Variants in HECW1 observed in about 807,000 individuals in gnomAD.
HECW1 encodes E3 ubiquitin-protein ligase HECW1.
Under a neutral mutation model 182.3 loss-of-function variants are expected in HECW1, and 61 were observed. The observed-to-expected ratio is 0.33, with a 90% CI of 0.27 to 0.41. HECW1 has a LOEUF of 0.41. Among genes scored for constraint, HECW1 ranks in the 10% least tolerant of loss-of-function variants. The pLI, the probability that HECW1 is intolerant of heterozygous loss-of-function variation, is 1.00. For missense variants in HECW1, 1,739 were observed against 2,108.9 expected (o/e 0.82, Z 3.44); for synonymous variants, 859 against 832.6 (o/e 1.03, Z -0.55).
In HECW1 at chr7:43,565,781, T is replaced by C. The variant is rs2082315083; in HGVS notation, c.*3855T>C. The C allele has an allele frequency of 5.4e-6, 1 of 185,112 alleles. No homozygotes were observed. Among genetic ancestry groups the C allele is most frequent in the Non-Finnish European group, 1.1e-5 (1 of 87,476 alleles). 11.5% of individuals were successfully genotyped at this position (185,112 alleles called of 1,614,324 possible). ...CTAGAGGTAGTATATAGAGTAAATA[T>C]TGTTCCTTTAGCCTACTTCCTGCAG... On this transcript the variant is annotated 3_prime_UTR_variant, in exon 30 of 30. Transcript: ENST00000395891.
chr7:43,285,007 T>TTC (rs1317871814), intron 3 of HECW1, among the ~76,000 whole-genome samples: 1 of 151,948 alleles, frequency 6.6e-6, no homozygotes, highest in African/African-American at 2.4e-5. Flanking sequence ...GATTTTTTTT[T>TTC]TTTTGCTTTA....
intron 13 of HECW1, among the ~76,000 whole-genome samples, chr7:43,461,532 G>A (rs954280989): frequency 2.6e-5 from 4 of 152,288 alleles, no homozygotes; most frequent in South Asian, 2.1e-4. Flanking sequence ...GGCAGGCCCC[G>A]TTCCCTGCCT....
chr7:43,453,973 T>C (rs2077318433), intron 12 of HECW1, among the ~76,000 whole-genome samples: 3 of 152,264 alleles, frequency 2.0e-5, no homozygotes, highest in Admixed American at 2.0e-4. Flanking sequence ...TATTATTTTC[T>C]GAATACATAT....
chr7:43,472,338 T>C (rs1421201970), intron 16 of HECW1, among the ~76,000 whole-genome samples: 3 of 152,242 alleles, frequency 2.0e-5, no homozygotes, highest in East Asian at 3.8e-4. Flanking sequence ...CCCTAGGCCA[T>C]GTGCTCCCCC....
intron 6 of HECW1, among the ~76,000 whole-genome samples, chr7:43,376,046 A>G: frequency 6.8e-6 from 1 of 147,942 alleles, no homozygotes; most frequent in South Asian, 2.1e-4. Context: ...ATACACACAT[A>G]TATATACACA....
intron 6 of HECW1, among the ~76,000 whole-genome samples, chr7:43,394,320 A>G (rs1342558586): frequency 6.6e-6 from 1 of 152,230 alleles, no homozygotes; most frequent in Non-Finnish European, 1.5e-5. Flanking sequence ...GATGGGAATA[A>G]CAGACATAAA....
intron 5 of HECW1, among the ~76,000 whole-genome samples, chr7:43,346,451 A>C (rs1237340058): frequency 6.6e-6 from 1 of 152,104 alleles, no homozygotes; most frequent in Admixed American, 6.5e-5. Flanking sequence ...TTGTATGTTT[A>C]TTCTCCTGAC....
At chr7:43,481,595 T>C (rs1002824852) in intron 17 of HECW1, among the ~76,000 whole-genome samples, 2 of 152,240 alleles carry the variant, frequency 1.3e-5, no homozygotes, top group Non-Finnish European at 2.9e-5. Context: ...GTGTTTCATG[T>C]GATTGAATAG....
intron 2 of HECW1, among the ~76,000 whole-genome samples, chr7:43,141,996 C>T (rs912414831): frequency 6.6e-6 from 1 of 152,172 alleles, no homozygotes; most frequent in African/African-American, 2.4e-5. Context: ...TTCTATTCCT[C>T]CCGAAAACCT....
At chr7:43,430,434 A>G (rs541804290) in intron 8 of HECW1, among the ~76,000 whole-genome samples, 2 of 152,362 alleles carry the variant, frequency 1.3e-5, no homozygotes, top group South Asian at 4.1e-4. Flanking sequence ...AAAAGTATAG[A>G]TTACAATCTG....
chr7:43,407,821 C>A, intron 8 of HECW1, 90 bp downstream of exon 8: 2 of 1,148,912 alleles, frequency 1.7e-6, no homozygotes, highest in Non-Finnish European at 1.2e-6. Context: ...ATTCATGGAG[C>A]CCTGGACTCT....
intron 19 of HECW1, among the ~76,000 whole-genome samples, chr7:43,497,468 A>G (rs2079162891): frequency 6.6e-6 from 1 of 152,106 alleles, no homozygotes; most frequent in Non-Finnish European, 1.5e-5. Flanking sequence ...TAGTGACCAC[A>G]GATGCAATCA....
Position 43,454,438 on chromosome 7 carries a change from A to C in HECW1, c.2501-1859A>C, listed in dbSNP as rs574874565. The stretch of plus-strand genomic sequence containing the variant: ...GTTTCTAGATCAAGATTAATTACCT[A>C]GTAATCATATGTATATACAATTTCA... On this transcript the variant is annotated intron_variant, in intron 12 of 29. Coordinates refer to ENST00000395891, the MANE Select transcript of HECW1 (RefSeq NM_015052.5). Among the ~76,000 whole-genome samples, 4 of 152,356 alleles carry C rather than the reference A, an allele frequency of 2.6e-5. No individual in the cohort carries two copies. In the East Asian group the frequency reaches 7.7e-4, roughly 29 times the overall value.
In HECW1 at chr7:43,253,129, TTA is replaced by T. The variant is rs199687552; in HGVS notation, c.27+9198_27+9199del. ...TGGTCAAGGCTCAAACATCCGCACT[TTA>T]AAAAAAAAAAAAAATCCTGGTCATT... On this transcript the variant is annotated intron_variant, in intron 3 of 29. Transcript: ENST00000395891. 6.1e-4 allele frequency among the ~76,000 whole-genome samples: 73 copies of T among 118,708 alleles called. 1 individual carries two copies. Among genetic ancestry groups the T allele is most frequent in the African/African-American group, 3.3e-3 (63 of 18,852 alleles). 77.9% of individuals were successfully genotyped at this position (118,708 alleles called of 152,430 possible).
chr7:43,135,902 AT>A lies in HECW1; in HGVS notation c.-32+21514del, dbSNP rs560557719. 2.4e-3 allele frequency among the ~76,000 whole-genome samples: 362 copies of A among 150,614 alleles called. 6 individuals are homozygous for A. The highest frequency in any genetic ancestry group is 9.7e-3 in the Admixed American group (146 of 15,116). On this transcript the variant is annotated intron_variant, in intron 2 of 29. Coordinates refer to ENST00000395891, the MANE Select transcript of HECW1 (RefSeq NM_015052.5). The stretch of plus-strand genomic sequence containing the variant: ...TCAAGATTAAGTTATTTTTCACATC[AT>A]TTCTCACCTGATTTCACAAGGCCTT...
intron 2 of HECW1, among the ~76,000 whole-genome samples, chr7:43,201,268 G>C (rs1794993831): frequency 6.6e-6 from 1 of 152,210 alleles, no homozygotes; most frequent in African/African-American, 2.4e-5. Context: ...CAATCACAGA[G>C]CTCCAGAGAA....
chr7:43,197,335 A>G (rs983448818), intron 2 of HECW1, among the ~76,000 whole-genome samples: 1 of 152,112 alleles, frequency 6.6e-6, no homozygotes, highest in African/African-American at 2.4e-5. Context: ...ACACTCACAC[A>G]GAGAAACAGC....
intron 8 of HECW1, among the ~76,000 whole-genome samples, chr7:43,418,957 C>A (rs895606733): frequency 6.6e-6 from 1 of 152,160 alleles, no homozygotes; most frequent in Non-Finnish European, 1.5e-5. Flanking sequence ...TGGCGCAGCT[C>A]CTACTGTCAT....
At chr7:43,501,439 T>C in intron 21 of HECW1, 117 bp downstream of exon 21, 1 of 587,148 alleles carries the variant, frequency 1.7e-6, no homozygotes, top group Non-Finnish European at 3.0e-6. Context: ...CCCAATTCCC[T>C]AATTGAAAAT....
Sources: gnomAD v4.1 joint callset for allele counts (sites outside exome capture counted in the v4.1 genomes callset) on GRCh38, gnomAD v4.1.1 for gene constraint, MANE v1.5 for transcripts, NCBI Gene and HGNC (gene_info 2026-07-23, HGNC 2026-07-21) for gene names.